The following CENPP variants were observed in gnomAD, a reference collection of about 807,000 sequenced individuals.
CENPP encodes centromere protein P.
In CENPP, 24 loss-of-function variants were observed where a neutral mutation model predicts 35.6. That is an observed-to-expected ratio of 0.67 (90% CI 0.49 to 0.95). The LOEUF (loss-of-function observed/expected upper bound fraction) is 0.95, where lower values mean the gene tolerates loss of function less well. CENPP is among the 40% of genes least tolerant of loss of function. The pLI, the probability that CENPP is intolerant of heterozygous loss-of-function variation, is 0.00. For synonymous variants in CENPP, 120 were observed against 125.5 expected, an observed-to-expected ratio of 0.96 and a Z score of 0.29; for missense variants, 332 against 345.3, an observed-to-expected ratio of 0.96 and a Z score of 0.31.
rs556702731 is a variant in CENPP at position 92,407,840 on chromosome 9, T to G, written c.564+27981T>G. Among the ~76,000 whole-genome samples, 3 of 152,306 alleles carry G rather than the reference T, an allele frequency of 2.0e-5. No homozygotes were observed. In the East Asian group the frequency reaches 5.8e-4, roughly 29 times the overall value. On this transcript the variant is annotated intron_variant, in intron 5 of 7. Coordinates refer to ENST00000375587, the MANE Select transcript of CENPP (RefSeq NM_001012267.3). ...GTTACCCAGGCTGGTCTCGAACTTTTGACCTAAAGTGATCCACCTTGGCCT... is the reference window on the plus strand; with the variant it reads ...GTTACCCAGGCTGGTCTCGAACTTTGGACCTAAAGTGATCCACCTTGGCCT...
chr9:92,417,598 A>G (rs1276617652), intron 5 of CENPP: 1 of 1,281,908 alleles, frequency 7.8e-7, no homozygotes, highest in Non-Finnish European at 1.1e-6. Flanking sequence ...AAAAGGAAAC[A>G]TTGTGGAGAA....
intron 5 of CENPP, chr9:92,474,742 C>CTTA (rs1554766845): frequency 6.5e-7 from 1 of 1,534,088 alleles, no homozygotes; most frequent in African/African-American, 1.4e-5. Context: ...GAGAGTTGTC[C>CTTA]TCATCATCAT....
At chr9:92,526,612 A>G (rs1848426925) in intron 5 of CENPP, among the ~76,000 whole-genome samples, 1 of 151,962 alleles carries the variant, frequency 6.6e-6, no homozygotes, top group African/African-American at 2.4e-5. Flanking sequence ...TATAGAAAAG[A>G]GGAATGAAAT....
chr9:92,374,719 T>C (rs530479512), intron 4 of CENPP, among the ~76,000 whole-genome samples: 87 of 152,336 alleles, frequency 5.7e-4, no homozygotes, highest in Non-Finnish European at 8.4e-4. Context: ...TTAAATCATA[T>C]GGGAAAAAGA....
intron 5 of CENPP, among the ~76,000 whole-genome samples, chr9:92,505,158 C>T (rs757861371): frequency 2.0e-5 from 3 of 152,174 alleles, no homozygotes; most frequent in Admixed American, 6.5e-5. Flanking sequence ...CACTCTGTTA[C>T]GGTTAATACC....
At chr9:92,408,050 C>A in intron 5 of CENPP, among the ~76,000 whole-genome samples, 1 of 152,160 alleles carries the variant, frequency 6.6e-6, no homozygotes, top group East Asian at 1.9e-4. Flanking sequence ...CTGATAGAGA[C>A]CATATGACCT....
At chr9:92,516,891 C>T (rs1157817039) in intron 5 of CENPP, 1 of 152,210 alleles carries the variant, frequency 6.6e-6, no homozygotes, top group Non-Finnish European at 1.5e-5. Context: ...CTGTGATCAT[C>T]TGTGTGCATG....
intron 5 of CENPP, among the ~76,000 whole-genome samples, chr9:92,567,376 A>ATATC (rs1415568348): frequency 7.2e-5 from 6 of 83,518 alleles, no homozygotes; most frequent in Admixed American, 1.1e-4. Context: ...TAAGATAGAT[A>ATATC]TATATATATA....
At chr9:92,416,861 G>C in intron 5 of CENPP, 1 of 1,613,950 alleles carries the variant, frequency 6.2e-7, no homozygotes, top group Non-Finnish European at 8.5e-7. Flanking sequence ...CATAAGTGAA[G>C]AAGGCAAACC....
At chr9:92,344,078 A>G (rs1841206336) in intron 3 of CENPP, among the ~76,000 whole-genome samples, 2 of 152,052 alleles carry the variant, frequency 1.3e-5, no homozygotes, top group Non-Finnish European at 2.9e-5. Flanking sequence ...TAAGTGGACC[A>G]TAGTAGAAAG....
chr9:92,415,711 C>G (rs1307143657), intron 5 of CENPP, among the ~76,000 whole-genome samples: 1 of 149,210 alleles, frequency 6.7e-6, no homozygotes, highest in African/African-American at 2.4e-5. Context: ...TAATAAATTC[C>G]TAGTAGAACA....
rs113869109 is a variant in CENPP at position 92,416,159 on chromosome 9, G to T, written c.564+36300G>T. ...CTGTCATCCAGGCCAGAAAGCAGTGGCATGATCTCAGCTCACTGCAACCTC... is the reference window on the plus strand; with the variant it reads ...CTGTCATCCAGGCCAGAAAGCAGTGTCATGATCTCAGCTCACTGCAACCTC... On this transcript the variant is annotated intron_variant, in intron 5 of 7. Transcript: ENST00000375587. Among the ~76,000 whole-genome samples, 8 of 149,244 alleles carry T rather than the reference G, an allele frequency of 5.4e-5. No individual in the cohort carries two copies. The South Asian group carries it at 1.7e-3, about 32-fold the overall frequency.
intron 5 of CENPP, among the ~76,000 whole-genome samples, chr9:92,582,021 C>T (rs1850437264): frequency 6.7e-6 from 1 of 148,930 alleles, no homozygotes; most frequent in Non-Finnish European, 1.5e-5. Flanking sequence ...AGGGGAAAAA[C>T]ACTTGGTGGT....
At chr9:92,596,329 C>T (rs921431910) in intron 5 of CENPP, among the ~76,000 whole-genome samples, 1 of 150,098 alleles carries the variant, frequency 6.7e-6, no homozygotes, top group Admixed American at 6.7e-5. Context: ...TGGGGTCTCA[C>T]TATGTTGCCC....
At chr9:92,365,971 G>C (rs991262111) in intron 4 of CENPP, among the ~76,000 whole-genome samples, 1 of 151,564 alleles carries the variant, frequency 6.6e-6, no homozygotes, top group African/African-American at 2.4e-5. Flanking sequence ...ACGAGGTCAG[G>C]AGATCGAGAC....
intron 5 of CENPP, chr9:92,416,784 G>A: frequency 6.2e-7 from 1 of 1,613,830 alleles, no homozygotes; most frequent in Non-Finnish European, 8.5e-7. Context: ...AGAGTATGAA[G>A]TTTTGGAAGT....
chr9:92,421,101 G>C (rs992582631), intron 5 of CENPP, among the ~76,000 whole-genome samples: 2 of 152,180 alleles, frequency 1.3e-5, no homozygotes, highest in Non-Finnish European at 2.9e-5. Flanking sequence ...CTGGAGCGCA[G>C]TGGTGCACTC....
At chr9:92,520,182 G>T (rs1847977165) in intron 5 of CENPP, among the ~76,000 whole-genome samples, 1 of 151,422 alleles carries the variant, frequency 6.6e-6, no homozygotes, top group Admixed American at 6.6e-5. Flanking sequence ...TACTTGGGAG[G>T]CTGAGGCAGA....
intron 5 of CENPP, among the ~76,000 whole-genome samples, chr9:92,559,610 CTAT>C (rs1346084233): frequency 1.3e-5 from 2 of 152,182 alleles, no homozygotes; most frequent in Non-Finnish European, 2.9e-5. Flanking sequence ...CTCTCTGGAG[CTAT>C]AATCTAGTCC....
Sources: gnomAD v4.1 joint callset for allele counts (sites outside exome capture counted in the v4.1 genomes callset) on GRCh38, gnomAD v4.1.1 for gene constraint, MANE v1.5 for transcripts, NCBI Gene and HGNC (gene_info 2026-07-23, HGNC 2026-07-21) for gene names.